KLHL15: variants seen among roughly 807,000 people sequenced by gnomAD.
KLHL15 encodes the protein kelch-like protein 15.
KLHL15 carries 1 observed loss-of-function variant against 29.3 expected under a neutral mutation model. The ratio of observed to expected loss-of-function variants is 0.03; its 90% CI spans 0.01 to 0.16. The LOEUF is 0.16. Ranked by LOEUF, KLHL15 falls within the 10% of genes least tolerant of loss-of-function variation. The pLI is 1.00. For missense variants in KLHL15, 215 were observed against 478.5 expected (o/e 0.45, Z 5.14); for synonymous variants, 212 against 184.5 (o/e 1.15, Z -1.21).
At chrX:24,004,944 G>A (rs1018951816) in intron 3 of KLHL15, among the ~76,000 whole-genome samples, 3 of 111,519 alleles carry the variant, frequency 2.7e-5, no homozygotes, top group African/African-American at 9.8e-5. Context: ...TCAGGCTGCT[G>A]TTATTCAAAG....
intron 3 of KLHL15, among the ~76,000 whole-genome samples, chrX:23,996,646 G>C (rs749703881): frequency 1.8e-5 from 2 of 111,542 alleles, no homozygotes; most frequent in African/African-American, 6.5e-5. Flanking sequence ...TTGGATGACA[G>C]AGCGAGACTC....
At chrX:23,991,815 G>C (rs1026261154) in intron 3 of KLHL15, among the ~76,000 whole-genome samples, 2 of 111,661 alleles carry the variant, frequency 1.8e-5, no homozygotes, top group Non-Finnish European at 3.8e-5. Context: ...TTCCAACCTG[G>C]GTGACAGAGC....
At position 23,988,931 on chromosome X, in the gene KLHL15, C is replaced by G; in HGVS notation, c.805G>C (p.Asp269His). 8.3e-7 allele frequency: 1 copy of G among 1,211,644 alleles called. No individual in the cohort carries two copies. The highest frequency in any genetic ancestry group is 3.0e-5 in the East Asian group (1 of 33,860). ...GAACGGATGCGGCTTGACTTCATAT[C>G]CAACAAAGGCTGCTGGTGAACATTC... ...FQNVHQQPLL[D>H]MKSSRIRSAK... Residue 269 changes from aspartate (D) to histidine (H), a missense_variant, in exon 4 of 4, where the codon GAT (aspartate) becomes CAT (histidine). Coordinates refer to ENST00000328046, the MANE Select transcript of KLHL15 (RefSeq NM_030624.3).
At chrX:23,993,021 G>T (rs767485154) in intron 3 of KLHL15, among the ~76,000 whole-genome samples, 4 of 106,261 alleles carry the variant, frequency 3.8e-5, no homozygotes, top group Non-Finnish European at 5.8e-5. Context: ...ATAACAAAGA[G>T]AAACAACCCT....
intron 3 of KLHL15, among the ~76,000 whole-genome samples, chrX:23,990,141 TAATAA>T (rs1287895722): frequency 2.7e-5 from 3 of 110,716 alleles, no homozygotes; most frequent in Non-Finnish European, 5.7e-5. Context: ...TCTACAAAAT[TAATAA>T]AATAAAATAA....
intron 2 of KLHL15, among the ~76,000 whole-genome samples, chrX:24,016,493 A>G (rs780920788): frequency 3.7e-5 from 4 of 109,049 alleles, no homozygotes; most frequent in Admixed American, 9.9e-5. Context: ...GCAAAACCCC[A>G]TCTCTACTAC....
At chrX:24,021,579 CATA>C (rs1223423038) in intron 2 of KLHL15, among the ~76,000 whole-genome samples, 16 of 112,439 alleles carry the variant, frequency 1.4e-4, no homozygotes, top group Non-Finnish European at 2.2e-4. Flanking sequence ...GTGCTTGGCA[CATA>C]ATAAGTGCTT....
intron 2 of KLHL15, among the ~76,000 whole-genome samples, 159 bp from the exon 3 acceptor site, chrX:24,006,859 C>T (rs1439151774): frequency 8.9e-6 from 1 of 111,812 alleles, no homozygotes; most frequent in East Asian, 2.8e-4. Flanking sequence ...GGTTTGCAGA[C>T]TAATATTTCT....
At chrX:23,990,987 C>T (rs953542307) in intron 3 of KLHL15, among the ~76,000 whole-genome samples, 73 of 110,808 alleles carry the variant, frequency 6.6e-4, no homozygotes, top group East Asian at 5.6e-4. Flanking sequence ...CTTCCATGGG[C>T]TTCACAACAT....
At position 24,006,660 on chromosome X, in the gene KLHL15, T is replaced by C; in HGVS notation, c.34A>G (p.Ile12Val). ...AGDVEGFCSS[I>V]HDTSVSAGFR... The stretch of plus-strand genomic sequence containing the variant: ...CCAGCAGAGACACTGGTGTCGTGGA[T>C]GGAGGAACAGAATCCTTCCACGTCC... The change falls in exon 3 of 4, where the codon ATC becomes GTC. Residue 12 changes from isoleucine (I) to valine (V), a missense_variant. By Grantham distance (29) the Ile-to-Val change is conservative. Transcript: ENST00000328046. 2 of 1,205,528 alleles carry C rather than the reference T, an allele frequency of 1.7e-6. No homozygotes were observed. The highest frequency in any genetic ancestry group is 2.2e-6 in the Non-Finnish European group (2 of 891,661).
At chrX:24,025,090 CCAGA>C (rs1385880640) in intron 1 of KLHL15, 32 bp from the exon 2 acceptor site, 5 of 295,688 alleles carry the variant, frequency 1.7e-5, no homozygotes, top group Admixed American at 6.1e-5. Context: ...AGTCGAGAAA[CCAGA>C]CAGTCGGGCT....
chrX:24,006,610 T>C lies in KLHL15; in HGVS notation c.84A>G (p.Gly28=). ...SAGFRALYEE[G]LLLDVTLVIE... is the part of the protein sequence containing the mutation. The stretch of plus-strand genomic sequence containing the variant: ...TAACCAGAGTGACATCAAGAAGCAA[T>C]CCCTCCTCATACAGTGCTCTGAACC... Residue 28 remains glycine, a synonymous_variant, in exon 3 of 4, where the codon GGA becomes GGG. Coordinates refer to ENST00000328046, the MANE Select transcript of KLHL15 (RefSeq NM_030624.3). 8.3e-7 allele frequency: 1 copy of C among 1,210,610 alleles called. No individual in the cohort carries two copies. Among genetic ancestry groups the C allele is most frequent in the Non-Finnish European group, 1.1e-6 (1 of 895,102 alleles).
rs751545775 is a variant in KLHL15 at position 24,006,130 on chromosome X, A to G, written c.564T>C (p.His188=). ...GCTCTATCTCTGGGAACCTGCTCAGATGATCATTATCCAAGTAAGACATGA... is the reference window on the plus strand; with the variant it reads ...GCTCTATCTCTGGGAACCTGCTCAGGTGATCATTATCCAAGTAAGACATGA... ...EKLMSYLDND[H]LSRFPEIELY... is the part of the protein sequence containing the mutation. Residue 188 remains histidine, a synonymous_variant, in exon 3 of 4, where the codon CAT becomes CAC. Coordinates refer to ENST00000328046, the MANE Select transcript of KLHL15 (RefSeq NM_030624.3). 16 of 1,209,894 alleles carry G rather than the reference A, an allele frequency of 1.3e-5. No homozygotes were observed. In the South Asian group the frequency reaches 2.8e-4, roughly 21 times the overall value.
chrX:24,025,917 G>A (rs1260050494), intron 1 of KLHL15, among the ~76,000 whole-genome samples: 1 of 111,010 alleles, frequency 9.0e-6, no homozygotes, highest in African/African-American at 3.3e-5. Context: ...TCCCCTTGCA[G>A]CGGTCTCTCT....
At chrX:24,013,777 G>A (rs1184519116) in intron 2 of KLHL15, among the ~76,000 whole-genome samples, 2 of 109,955 alleles carry the variant, frequency 1.8e-5, no homozygotes, top group African/African-American at 6.6e-5. Context: ...GGAGGCCAAG[G>A]CGGGAGGATT....
chrX:24,011,496 T>G (rs146715980), intron 2 of KLHL15, among the ~76,000 whole-genome samples: 1 of 111,107 alleles, frequency 9.0e-6, no homozygotes, highest in Admixed American at 9.5e-5. Context: ...ATACAAAAAT[T>G]AGCCAAGCAT....
At chrX:24,009,217 C>G (rs1929522034) in intron 2 of KLHL15, among the ~76,000 whole-genome samples, 2 of 110,632 alleles carry the variant, frequency 1.8e-5, no homozygotes. Flanking sequence ...AAATTAAAGG[C>G]CGGGCGTGGT....
intron 2 of KLHL15, among the ~76,000 whole-genome samples, chrX:24,014,930 C>A (rs1427451757): frequency 8.9e-6 from 1 of 112,284 alleles, no homozygotes; most frequent in Non-Finnish European, 1.9e-5. Context: ...TGGGCACCCA[C>A]TTCTGTCTGC....
Position 23,988,531 on chromosome X carries a change from G to A in KLHL15, c.1205C>T (p.Thr402Ile). The change falls in exon 4 of 4, where the codon ACC becomes ATC. Residue 402 changes from threonine (T) to isoleucine (I), a missense_variant. By Grantham distance (89) the Thr-to-Ile change is moderately conservative. Coordinates refer to ENST00000328046, the MANE Select transcript of KLHL15 (RefSeq NM_030624.3). ...TFYSTERYDITNDKWEFVDPY... is the reference protein window; with the variant it reads ...TFYSTERYDIINDKWEFVDPY... ...ATCCACAAATTCCCATTTATCGTTG[G>A]TGATGTCATATCTCTCAGTTGAATA... The A allele has an allele frequency of 8.3e-7, 1 of 1,211,515 alleles. No individual in the cohort carries two copies. Among genetic ancestry groups the A allele is most frequent in the Non-Finnish European group, 1.1e-6 (1 of 895,410 alleles).
Sources: gnomAD v4.1 joint callset for allele counts (sites outside exome capture counted in the v4.1 genomes callset) on GRCh38, gnomAD v4.1.1 for gene constraint, MANE v1.5 for transcripts, NCBI Gene and HGNC (gene_info 2026-07-23, HGNC 2026-07-21) for gene names.